CACNB2: variants seen among roughly 807,000 people sequenced by gnomAD.
CACNB2 encodes the protein calcium voltage-gated channel auxiliary subunit beta 2.
A neutral mutation model predicts 73.3 loss-of-function variants in CACNB2; 42 were observed. The observed-to-expected ratio is 0.57, with a 90% CI of 0.45 to 0.74. The LOEUF (loss-of-function observed/expected upper bound fraction) is 0.74, where lower values mean the gene tolerates loss of function less well. CACNB2 is among the 30% of genes least tolerant of loss of function. The probability of loss-of-function intolerance (pLI) is 0.00; values close to 1 mark genes in which losing one functional copy is unlikely to be tolerated. For missense variants in CACNB2, 940 were observed against 853.0 expected (o/e 1.10, Z -1.27); for synonymous variants, 348 against 310.3 (o/e 1.12, Z -1.28).
At chr10:18,501,842 C>G (rs1456737676) in intron 5 of CACNB2, among the ~76,000 whole-genome samples, 1 of 152,144 alleles carries the variant, frequency 6.6e-6, no homozygotes, top group Non-Finnish European at 1.5e-5. Context: ...GTTTGGAACA[C>G]CCATCCTCAT....
At chr10:18,535,541 G>A (rs1367932496) in intron 11 of CACNB2, among the ~76,000 whole-genome samples, 1 of 152,098 alleles carries the variant, frequency 6.6e-6, no homozygotes, top group African/African-American at 2.4e-5. Flanking sequence ...ACTAGGCTGA[G>A]GTGGGAGGAT....
At chr10:18,144,640 T>G (rs923682881) in intron 1 of CACNB2, among the ~76,000 whole-genome samples, 1 of 152,206 alleles carries the variant, frequency 6.6e-6, no homozygotes, top group African/African-American at 2.4e-5. Flanking sequence ...TGAACTGATA[T>G]GTGCTGTAAA....
chr10:18,241,139 T>C (rs1264166977), intron 2 of CACNB2, among the ~76,000 whole-genome samples: 1 of 152,198 alleles, frequency 6.6e-6, no homozygotes, highest in African/African-American at 2.4e-5. Context: ...CGTGTTCATC[T>C]TACATATATT....
chr10:18,220,230 T>TGGGGGGGG (rs1564353886), intron 2 of CACNB2, among the ~76,000 whole-genome samples: 8 of 34,454 alleles, frequency 2.3e-4, no homozygotes, highest in African/African-American at 1.7e-3. Context: ...TATATATATA[T>TGGGGGGGG]ATAGAGAGAG....
intron 2 of CACNB2, among the ~76,000 whole-genome samples, chr10:18,232,164 G>GTT (rs1564363436): frequency 6.6e-6 from 1 of 152,164 alleles, no homozygotes; most frequent in Non-Finnish European, 1.5e-5. Context: ...TAAAACCATA[G>GTT]TGAGAAGAAT....
intron 2 of CACNB2, chr10:18,206,143 A>G (rs1411149906): frequency 1.3e-5 from 2 of 152,258 alleles, no homozygotes; most frequent in Admixed American, 6.5e-5. Flanking sequence ...ATGCACCACC[A>G]TGGCTGCCCA....
intron 2 of CACNB2, among the ~76,000 whole-genome samples, chr10:18,231,284 C>T (rs1475536682): frequency 6.6e-6 from 1 of 152,204 alleles, no homozygotes; most frequent in East Asian, 1.9e-4. Flanking sequence ...TCAAGTGATT[C>T]TCCTGCCTCA....
At chr10:18,447,408 G>A (rs1038423708) in intron 3 of CACNB2, among the ~76,000 whole-genome samples, 1 of 152,176 alleles carries the variant, frequency 6.6e-6, no homozygotes, top group African/African-American at 2.4e-5. Context: ...AGGTGAAATA[G>A]TAGGGAAAGG....
intron 6 of CACNB2, chr10:18,513,095 C>T (rs1273495353): frequency 1.5e-5 from 2 of 134,694 alleles, no homozygotes; most frequent in African/African-American, 2.9e-5. Flanking sequence ...AAACAGTGAC[C>T]ATAACCTTTT....
At chr10:18,244,999 C>T (rs2036805599) in intron 2 of CACNB2, among the ~76,000 whole-genome samples, 1 of 151,774 alleles carries the variant, frequency 6.6e-6, no homozygotes, top group African/African-American at 2.4e-5. Context: ...GGGCCATGAG[C>T]CAAGGAATAC....
chr10:18,429,658 C>G (rs1367859873), intron 3 of CACNB2, among the ~76,000 whole-genome samples: 1 of 128,486 alleles, frequency 7.8e-6, no homozygotes, highest in East Asian at 2.1e-4. Flanking sequence ...AAGACTCCGT[C>G]TCTACCAAAA....
At chr10:18,202,892 A>G (rs1356433713) in intron 2 of CACNB2, among the ~76,000 whole-genome samples, 4 of 152,198 alleles carry the variant, frequency 2.6e-5, no homozygotes, top group Admixed American at 2.0e-4. Flanking sequence ...ATACAGACTG[A>G]CACTGTATAA....
At chr10:18,418,292 C>A (rs1392512205) in intron 3 of CACNB2, among the ~76,000 whole-genome samples, 1 of 152,174 alleles carries the variant, frequency 6.6e-6, no homozygotes, top group African/African-American at 2.4e-5. Context: ...CCAGGATGGT[C>A]TCGATCTCTT....
At chr10:18,376,469 T>C (rs1340766838) in intron 2 of CACNB2, among the ~76,000 whole-genome samples, 5 of 152,154 alleles carry the variant, frequency 3.3e-5, no homozygotes, top group Admixed American at 1.3e-4. Context: ...TAGCCAATAA[T>C]TGTAAGAGTT....
intron 2 of CACNB2, chr10:18,260,805 C>G: frequency 2.0e-6 from 2 of 1,018,618 alleles, no homozygotes; most frequent in Non-Finnish European, 2.4e-6. Flanking sequence ...TAAACAGCAG[C>G]AGGAGTAGGC....
intron 2 of CACNB2, among the ~76,000 whole-genome samples, chr10:18,271,115 GGTATAAGT>G (rs2038036383): frequency 6.6e-6 from 1 of 152,252 alleles, no homozygotes; most frequent in East Asian, 1.9e-4. Flanking sequence ...GCTTTGTGAT[GGTATAAGT>G]GTTCCTTGGT....
At chr10:18,291,993 T>A (rs2039085839) in intron 2 of CACNB2, among the ~76,000 whole-genome samples, 1 of 152,196 alleles carries the variant, frequency 6.6e-6, no homozygotes, top group African/African-American at 2.4e-5. Context: ...AACACTCAGT[T>A]TGTTTTGCCA....
At chr10:18,339,019 C>A (rs1308662829) in intron 2 of CACNB2, among the ~76,000 whole-genome samples, 4 of 152,002 alleles carry the variant, frequency 2.6e-5, no homozygotes, top group African/African-American at 9.7e-5. Flanking sequence ...GAATTATAGG[C>A]GTGAGCTACC....
intron 2 of CACNB2, among the ~76,000 whole-genome samples, chr10:18,313,162 A>G (rs2040024886): frequency 6.6e-6 from 1 of 151,848 alleles, no homozygotes; most frequent in Admixed American, 6.6e-5. Context: ...TTAAGCAGAT[A>G]TTTAGATAAG....
Sources: allele counts gnomAD v4.1 joint callset (sites outside exome capture counted in the v4.1 genomes callset), GRCh38; gene constraint gnomAD v4.1.1; transcripts MANE v1.5; gene names NCBI Gene and HGNC (gene_info 2026-07-23, HGNC 2026-07-21).